The following CDC14A variants were observed in gnomAD, a reference collection of about 807,000 sequenced individuals.
The protein encoded by CDC14A is cell division cycle 14A, also known as dual specificity protein phosphatase CDC14A.
A neutral mutation model predicts 74.4 loss-of-function variants in CDC14A; 53 were observed. The ratio of observed to expected loss-of-function variants is 0.71; its 90% CI spans 0.57 to 0.89. The LOEUF (loss-of-function observed/expected upper bound fraction) is 0.89, where lower values mean the gene tolerates loss of function less well. Among genes scored for constraint, CDC14A ranks in the 40% least tolerant of loss-of-function variants. The pLI, the probability that CDC14A is intolerant of heterozygous loss-of-function variation, is 0.00. For missense variants in CDC14A, 646 were observed against 713.7 expected, an observed-to-expected ratio of 0.91 and a Z score of 1.08; for synonymous variants, 247 against 258.4, an observed-to-expected ratio of 0.96 and a Z score of 0.43.
chr1:100,427,622 T>C (rs1016739172), intron 5 of CDC14A, among the ~76,000 whole-genome samples: 3 of 152,216 alleles, frequency 2.0e-5, no homozygotes, highest in African/African-American at 7.2e-5. Flanking sequence ...TTTGTTTGCA[T>C]GGCTGACTCT....
At chr1:100,478,367 C>A (rs1330500400) in intron 10 of CDC14A, among the ~76,000 whole-genome samples, 1 of 152,060 alleles carries the variant, frequency 6.6e-6, no homozygotes, top group Non-Finnish European at 1.5e-5. Context: ...GTATCATTAT[C>A]TATCTGTGAT....
intron 9 of CDC14A, among the ~76,000 whole-genome samples, chr1:100,465,014 C>T (rs191770079): frequency 9.9e-5 from 15 of 152,010 alleles, no homozygotes; most frequent in Non-Finnish European, 1.9e-4. Context: ...CAGCCTCTGC[C>T]TCCCAGGTTC....
At position 100,395,264 on chromosome 1, in the gene CDC14A, C is replaced by T. The variant is rs115720998; in HGVS notation, c.309+4440C>T. ...ATTGTAAAGATCAAATATCCAACTGCCTGTTTGATAGCTCCATATTATACA... is the reference window on the plus strand; with the variant it reads ...ATTGTAAAGATCAAATATCCAACTGTCTGTTTGATAGCTCCATATTATACA... On this transcript the variant is annotated intron_variant, in intron 4 of 15. Transcript: ENST00000336454. 3.6e-3 allele frequency among the ~76,000 whole-genome samples: 545 copies of T among 152,288 alleles called. 3 individuals are homozygous for T. The highest frequency in any genetic ancestry group is 0.013 in the African/African-American group (524 of 41,552).
chr1:100,413,720 C>T (rs1661172197), intron 4 of CDC14A, among the ~76,000 whole-genome samples: 1 of 152,228 alleles, frequency 6.6e-6, no homozygotes, highest in African/African-American at 2.4e-5. Context: ...TCCTCAATTA[C>T]TTTCCTTCCA....
chr1:100,418,951 G>A (rs1255974091), intron 4 of CDC14A, among the ~76,000 whole-genome samples: 2 of 152,184 alleles, frequency 1.3e-5, no homozygotes, highest in Non-Finnish European at 2.9e-5. Context: ...TTGGGAGGCT[G>A]AGGCGGGTGG....
At chr1:100,388,140 G>A (rs780927278) in intron 3 of CDC14A, among the ~76,000 whole-genome samples, 12 of 152,212 alleles carry the variant, frequency 7.9e-5, no homozygotes, top group African/African-American at 1.4e-4. Flanking sequence ...CCATAAGAGC[G>A]TCGAGTCCCT....
intron 10 of CDC14A, chr1:100,481,118 G>A (rs1173607341): frequency 6.6e-6 from 1 of 152,254 alleles, no homozygotes; most frequent in South Asian, 2.1e-4. Flanking sequence ...TTTAGGCCAG[G>A]AACTGTCTCT....
At chr1:100,486,677 A>G (rs1670047303) in intron 11 of CDC14A, among the ~76,000 whole-genome samples, 1 of 152,246 alleles carries the variant, frequency 6.6e-6, no homozygotes, top group Non-Finnish European at 1.5e-5. Flanking sequence ...TTTGGGGGCT[A>G]CAAATATTCA....
chr1:100,500,765 A>AG (rs1446461447), intron 15 of CDC14A, among the ~76,000 whole-genome samples: 1 of 150,284 alleles, frequency 6.7e-6, no homozygotes, highest in Non-Finnish European at 1.5e-5. Flanking sequence ...AAAAAAAAAA[A>AG]AAAAAGAAAC....
At chr1:100,393,049 A>G (rs1265550841) in intron 4 of CDC14A, 4 of 1,400,222 alleles carry the variant, frequency 2.9e-6, no homozygotes, top group East Asian at 4.6e-5. Flanking sequence ...GTCTTGCCGG[A>G]TGTTTTCTTT....
At chr1:100,376,042 A>G (rs12084827) in intron 2 of CDC14A, among the ~76,000 whole-genome samples, 35,746 of 152,016 alleles carry the variant, frequency 0.24, 5,635 homozygotes, top group African/African-American at 0.45. Flanking sequence ...GCAAACTATC[A>G]CAAGGACAAA....
At chr1:100,439,029 T>C (rs1328954889) in intron 5 of CDC14A, among the ~76,000 whole-genome samples, 10 of 152,206 alleles carry the variant, frequency 6.6e-5, no homozygotes. Context: ...CACTGTAGTG[T>C]TAAAGCTCTG....
chr1:100,432,506 G>T (rs79435107), intron 5 of CDC14A, among the ~76,000 whole-genome samples: 21,645 of 152,186 alleles, frequency 0.14, 1,753 homozygotes, highest in Non-Finnish European at 0.17. Flanking sequence ...CAAAGATGTA[G>T]TATAAAAGGC....
intron 4 of CDC14A, among the ~76,000 whole-genome samples, chr1:100,419,224 G>C (rs1661946551): frequency 1.3e-5 from 2 of 152,146 alleles, no homozygotes; most frequent in South Asian, 4.1e-4. Flanking sequence ...GACTGTGACT[G>C]TGAAGAGATA....
chr1:100,421,973 GC>G (rs1338224194), intron 4 of CDC14A, among the ~76,000 whole-genome samples: 1 of 152,166 alleles, frequency 6.6e-6, no homozygotes, highest in Non-Finnish European at 1.5e-5. Context: ...ATGCAGTAAT[GC>G]ACTCACTCAT....
intron 7 of CDC14A, among the ~76,000 whole-genome samples, chr1:100,446,334 G>T (rs1384469527): frequency 1.3e-5 from 2 of 152,174 alleles, no homozygotes; most frequent in African/African-American, 4.8e-5. Flanking sequence ...GATTAAAGGG[G>T]AATCTTATAG....
intron 2 of CDC14A, among the ~76,000 whole-genome samples, chr1:100,367,660 A>C (rs1450191398): frequency 6.6e-6 from 1 of 152,214 alleles, no homozygotes; most frequent in Non-Finnish European, 1.5e-5. Flanking sequence ...TGACTTTTGA[A>C]GACTTGTTCA....
At chr1:100,395,235 G>A (rs1208927860) in intron 4 of CDC14A, among the ~76,000 whole-genome samples, 5 of 152,132 alleles carry the variant, frequency 3.3e-5, no homozygotes, top group African/African-American at 7.2e-5. Context: ...TGCTTCACAG[G>A]ATTATTGTAA....
chr1:100,402,311 C>A (rs941652332), intron 4 of CDC14A, among the ~76,000 whole-genome samples: 8 of 152,102 alleles, frequency 5.3e-5, no homozygotes, highest in Non-Finnish European at 1.0e-4. Flanking sequence ...CCATTTTATA[C>A]AAATATCTGA....
Sources: gnomAD v4.1 joint callset for allele counts (sites outside exome capture counted in the v4.1 genomes callset) on GRCh38, gnomAD v4.1.1 for gene constraint, MANE v1.5 for transcripts, NCBI Gene and HGNC (gene_info 2026-07-23, HGNC 2026-07-21) for gene names.